The following RIMS3 variants were observed in gnomAD, a reference collection of about 807,000 sequenced individuals.
The protein encoded by RIMS3 is regulating synaptic membrane exocytosis 3, also known as regulating synaptic membrane exocytosis protein 3.
Under a neutral mutation model 29.2 loss-of-function variants are expected in RIMS3, and 15 were observed. That is an observed-to-expected ratio of 0.51 (90% confidence interval 0.34 to 0.79). The LOEUF is 0.79. Ranked by LOEUF, RIMS3 falls within the 30% of genes least tolerant of loss-of-function variation. The probability of loss-of-function intolerance (pLI) is 0.01; values close to 1 mark genes in which losing one functional copy is unlikely to be tolerated. For missense variants in RIMS3, 342 were observed against 421.4 expected (o/e 0.81, Z 1.65); for synonymous variants, 161 against 170.1 (o/e 0.95, Z 0.41).
At chr1:40,683,524 T>C in the RIMS3 span, among the ~76,000 whole-genome samples, 2 of 152,256 alleles carry the variant, frequency 1.3e-5, no homozygotes, top group African/African-American at 4.8e-5. Context: ...GTCGAGCAAA[T>C]GCTGGTGCCA....
chr1:40,656,829 T>C (rs1037972732), intron 1 of RIMS3, among the ~76,000 whole-genome samples: 1 of 151,640 alleles, frequency 6.6e-6, no homozygotes, highest in Non-Finnish European at 1.5e-5. Flanking sequence ...CACTGACATG[T>C]TCTCCCTTGG....
At chr1:40,683,497 G>C in the RIMS3 span, among the ~76,000 whole-genome samples, 518 of 152,310 alleles carry the variant, frequency 3.4e-3, 7 homozygotes, top group African/African-American at 0.012. Context: ...GGTGTGGCAA[G>C]AAGGCCCTCA....
chr1:40,691,854 A>T, the RIMS3 span: 1 of 424,628 alleles, frequency 2.4e-6, no homozygotes, highest in Non-Finnish European at 4.8e-6. Context: ...CTCTTCCTGG[A>T]CTCCTGAGCA....
intron 1 of RIMS3, among the ~76,000 whole-genome samples, chr1:40,658,923 AAG>A (rs1227936201): frequency 6.6e-6 from 1 of 152,222 alleles, no homozygotes; most frequent in Non-Finnish European, 1.5e-5. Context: ...TAATTAAGAC[AAG>A]AGAGAAGCTG....
intron 2 of RIMS3, among the ~76,000 whole-genome samples, chr1:40,647,238 C>T (rs1646602076): frequency 6.6e-6 from 1 of 152,114 alleles, no homozygotes; most frequent in Non-Finnish European, 1.5e-5. Context: ...CCTAGCCACC[C>T]ACCTTTCCAA....
chr1:40,678,811 T>G, the RIMS3 span, among the ~76,000 whole-genome samples: 1 of 152,194 alleles, frequency 6.6e-6, no homozygotes, highest in Non-Finnish European at 1.5e-5. Context: ...GTAATTGCAG[T>G]TAGCTCATCT....
At chr1:40,645,028 T>C (rs1646585546) in intron 2 of RIMS3, among the ~76,000 whole-genome samples, 1 of 151,898 alleles carries the variant, frequency 6.6e-6, no homozygotes, top group Admixed American at 6.6e-5. Context: ...GCTGACAGAG[T>C]GGATGAATTA....
the RIMS3 span, among the ~76,000 whole-genome samples, chr1:40,672,650 C>T: frequency 6.6e-6 from 1 of 152,144 alleles, no homozygotes; most frequent in Non-Finnish European, 1.5e-5. Flanking sequence ...ATTCATCAGT[C>T]TTTTACTGAG....
intron 1 of RIMS3, among the ~76,000 whole-genome samples, chr1:40,651,311 C>T (rs1189230016): frequency 6.6e-6 from 1 of 152,136 alleles, no homozygotes; most frequent in African/African-American, 2.4e-5. Flanking sequence ...CGCCATGTGC[C>T]GACGGAGGCA....
In RIMS3 at chr1:40,641,648, G is replaced by A; in HGVS notation, c.217+61C>T. 6.5e-6 allele frequency: 10 copies of A among 1,526,794 alleles called. No homozygotes were observed. In the South Asian group the frequency reaches 1.2e-4, roughly 18 times the overall value. 94.6% of individuals were successfully genotyped at this position (1,526,794 alleles called of 1,614,324 possible). ...TGCAGACCCATCAGGGCAGTCCCTG[G>A]GTAGTCTGTCTTTGCGAAGTGTCCC... is the stretch of plus-strand genomic sequence containing the variant. On this transcript the variant is annotated intron_variant, in intron 3 of 7. Coordinates refer to ENST00000372684, the MANE Select transcript of RIMS3 (RefSeq NM_014747.3).
upstream of RIMS3, among the ~76,000 whole-genome samples, chr1:40,665,932 A>G (rs1642420412): frequency 6.6e-6 from 1 of 151,918 alleles, no homozygotes. Context: ...TCCCCTCTCC[A>G]CCACCTACCC....
In RIMS3 at chr1:40,641,733, T is replaced by C. The variant is rs971531205; in HGVS notation, c.193A>G (p.Ser65Gly). 9 of 1,614,020 alleles carry C rather than the reference T, an allele frequency of 5.6e-6. No homozygotes were observed. The African/African-American group carries it at 1.2e-4, about 22-fold the overall frequency. Residue 65 changes from serine to glycine, a missense_variant, in exon 3 of 8, where the codon AGC (serine) becomes GGC (glycine). By Grantham distance (56) the Ser-to-Gly change is moderately conservative (BLOSUM62 0). Transcript: ENST00000372684. ...CCAGGCTGCGGAAGCTGGAGTGTGC[T>C]CTTGCTCCACTGAGTCAGGCCCACG... ...AIVGLTQWSK[S>G]TLQLPQPEGA...
At chr1:40,647,404 T>A (rs1646603016) in intron 2 of RIMS3, among the ~76,000 whole-genome samples, 1 of 151,828 alleles carries the variant, frequency 6.6e-6, no homozygotes, top group African/African-American at 2.4e-5. Context: ...AGCCTCAGAG[T>A]CCCTCTCAAC....
At position 40,636,335 on chromosome 1, in the gene RIMS3, C is replaced by T. The variant is rs560702560; in HGVS notation, c.218-278G>A. Among the ~76,000 whole-genome samples the T allele has an allele frequency of 2.0e-5, 3 of 152,298 alleles. No individual in the cohort carries two copies. The highest frequency in any genetic ancestry group is 1.3e-4 in the Admixed American group (2 of 15,308). On this transcript the variant is annotated intron_variant, in intron 3 of 7. Transcript: ENST00000372684. This position sits in a 1 kb window ranked among gnomAD's most constrained non-coding sequence, Gnocchi z 4.2. ...GCGCCACCACGCAGAGCCGCAGATC[C>T]GCAGCTGGGGCCCTCGCCTCACCCT...
chr1:40,672,463 G>C, the RIMS3 span, among the ~76,000 whole-genome samples: 67 of 152,136 alleles, frequency 4.4e-4, no homozygotes, highest in Non-Finnish European at 8.4e-4. Flanking sequence ...CTCCTAAAGT[G>C]CTGGGATTAC....
intron 1 of RIMS3, among the ~76,000 whole-genome samples, chr1:40,663,992 G>A (rs1293852445): frequency 6.6e-6 from 1 of 152,204 alleles, no homozygotes; most frequent in Non-Finnish European, 1.5e-5. Context: ...GAGGGGAAGT[G>A]ATTTCCTCAA....
At chr1:40,644,030 G>C (rs1458773331) in intron 2 of RIMS3, among the ~76,000 whole-genome samples, 4 of 141,102 alleles carry the variant, frequency 2.8e-5, no homozygotes, top group Non-Finnish European at 6.2e-5. Context: ...CCAAGGGGGG[G>C]AAGATTTGGA....
At chr1:40,687,947 T>C in the RIMS3 span, among the ~76,000 whole-genome samples, 70 of 152,300 alleles carry the variant, frequency 4.6e-4, no homozygotes, top group South Asian at 5.2e-3. Context: ...CAGCAGCACA[T>C]GAACTATATC....
At chr1:40,691,285 T>C in the RIMS3 span, 1 of 161,408 alleles carries the variant, frequency 6.2e-6, no homozygotes, top group South Asian at 1.2e-4. Context: ...GCTGTCTACT[T>C]GAACGGCATG....
Sources: allele counts gnomAD v4.1 joint callset (sites outside exome capture counted in the v4.1 genomes callset), GRCh38; gene constraint gnomAD v4.1.1; non-coding constraint Gnocchi (gnomAD v3.1); transcripts MANE v1.5; gene names NCBI Gene and HGNC (gene_info 2026-07-23, HGNC 2026-07-21).